Variants in RAB38 observed in about 807,000 individuals in gnomAD.
The protein encoded by RAB38 is RAB38, member RAS oncogene family, also known as ras-related protein Rab-38.
Under a neutral mutation model 18.4 loss-of-function variants are expected in RAB38, and 15 were observed. That is an observed-to-expected ratio of 0.82 (90% CI 0.55 to 1.26). The LOEUF is 1.26. Among genes scored for constraint, RAB38 ranks in the 50% most tolerant of loss-of-function variants. RAB38 has a pLI of 0.00. For synonymous variants in RAB38, 101 were observed against 104.4 expected, an observed-to-expected ratio of 0.97 and a Z score of 0.20; for missense variants, 294 against 267.4, an observed-to-expected ratio of 1.10 and a Z score of -0.69.
the RAB38 span, among the ~76,000 whole-genome samples, chr11:88,101,404 G>T: frequency 6.6e-6 from 1 of 151,692 alleles, no homozygotes; most frequent in African/African-American, 2.4e-5. Flanking sequence ...AGCATTCATG[G>T]TTTGGTTAAA....
the RAB38 span, among the ~76,000 whole-genome samples, chr11:88,040,295 C>T: frequency 6.6e-6 from 1 of 152,186 alleles, no homozygotes; most frequent in African/African-American, 2.4e-5. Flanking sequence ...GCCGTCCTCT[C>T]CCTGTGTCCT....
chr11:87,933,396 C>G, the RAB38 span, among the ~76,000 whole-genome samples: 2 of 152,148 alleles, frequency 1.3e-5, no homozygotes, highest in African/African-American at 4.8e-5. Context: ...ATGAGTAGAA[C>G]ATGTGTTCTG....
rs181304987 is a variant in RAB38, at chr11:88,134,346, T to A, written c.483+15329A>T. Among the ~76,000 whole-genome samples, 466 of 152,320 alleles carry A rather than the reference T, an allele frequency of 3.1e-3. 2 individuals are homozygous for A. The highest frequency in any genetic ancestry group is 0.01 in the African/African-American group (424 of 41,562). On this transcript the variant is annotated intron_variant, in intron 2 of 2. Coordinates refer to ENST00000243662, the MANE Select transcript of RAB38 (RefSeq NM_022337.3). ...ACCTCCACCTCCTGGGTTCAAGCGA[T>A]TCTCCTGACTCAGCCTCCTGAGTAG...
At chr11:88,165,578 TAAAC>T (rs1293443860) in intron 1 of RAB38, 1 of 152,146 alleles carries the variant, frequency 6.6e-6, no homozygotes, top group Non-Finnish European at 1.5e-5. Context: ...GCAAGGCTGA[TAAAC>T]AAATTGAAAG....
the RAB38 span, among the ~76,000 whole-genome samples, chr11:88,058,302 A>G: frequency 1.3e-5 from 2 of 152,196 alleles, no homozygotes; most frequent in African/African-American, 4.8e-5. Context: ...AGATTTTATA[A>G]TACCTAGAGG....
chr11:87,903,310 C>G, the RAB38 span, among the ~76,000 whole-genome samples: 1 of 151,102 alleles, frequency 6.6e-6, no homozygotes, highest in African/African-American at 2.4e-5. Context: ...CTTCTTTTCC[C>G]TTTTTGAAAT....
At chr11:87,894,169 T>C in the RAB38 span, among the ~76,000 whole-genome samples, 1 of 151,720 alleles carries the variant, frequency 6.6e-6, no homozygotes, top group East Asian at 2.0e-4. Context: ...TTTATCCTGT[T>C]TGATGCTATC....
the RAB38 span, among the ~76,000 whole-genome samples, chr11:87,809,753 C>G: frequency 6.6e-6 from 1 of 151,936 alleles, no homozygotes; most frequent in East Asian, 1.9e-4. Context: ...ATTTTTCTGT[C>G]ATTTTATCCT....
the RAB38 span, among the ~76,000 whole-genome samples, chr11:88,090,601 A>T: frequency 6.6e-6 from 1 of 152,030 alleles, no homozygotes; most frequent in African/African-American, 2.4e-5. Flanking sequence ...ATGAGAAAAA[A>T]AAATCTGTTA....
At chr11:88,074,498 T>A in the RAB38 span, among the ~76,000 whole-genome samples, 1 of 152,180 alleles carries the variant, frequency 6.6e-6, no homozygotes, top group Non-Finnish European at 1.5e-5. Context: ...TTGCTATAAC[T>A]GTAAGATCCT....
At chr11:88,167,664 G>C (rs1943261327) in intron 1 of RAB38, 1 of 152,150 alleles carries the variant, frequency 6.6e-6, no homozygotes, top group Non-Finnish European at 1.5e-5. Context: ...GAGAACAGTA[G>C]AAGTTAAAAT....
chr11:88,088,947 C>CAA, the RAB38 span, among the ~76,000 whole-genome samples: 1,030 of 148,910 alleles, frequency 6.9e-3, 2 homozygotes, highest in Non-Finnish European at 0.011. Context: ...CAGGAGCTGA[C>CAA]AAAAAAAAAA....
At chr11:87,850,128 C>T in the RAB38 span, among the ~76,000 whole-genome samples, 3 of 152,142 alleles carry the variant, frequency 2.0e-5, no homozygotes, top group Admixed American at 6.6e-5. Context: ...CACAAAGACT[C>T]ACTCAACCTA....
chr11:88,024,066 G>A, the RAB38 span, among the ~76,000 whole-genome samples: 2 of 151,958 alleles, frequency 1.3e-5, no homozygotes, highest in Non-Finnish European at 2.9e-5. Context: ...AACCTAAAAA[G>A]CTTTTACATA....
At chr11:87,932,572 A>G in the RAB38 span, among the ~76,000 whole-genome samples, 15 of 152,108 alleles carry the variant, frequency 9.9e-5, no homozygotes, top group African/African-American at 3.6e-4. Flanking sequence ...ATTTTTGCCC[A>G]GAAAAATAAG....
At chr11:88,077,844 A>G in the RAB38 span, among the ~76,000 whole-genome samples, 1 of 152,106 alleles carries the variant, frequency 6.6e-6, no homozygotes, top group Non-Finnish European at 1.5e-5. Flanking sequence ...ACAGGAAACT[A>G]TCAACAAAGA....
intron 2 of RAB38, among the ~76,000 whole-genome samples, chr11:88,124,207 G>C (rs1023967152): frequency 2.0e-5 from 3 of 152,204 alleles, no homozygotes; most frequent in African/African-American, 7.2e-5. Flanking sequence ...TCAGGACGTA[G>C]GCATGGGCAG....
the RAB38 span, among the ~76,000 whole-genome samples, chr11:88,049,854 G>T: frequency 4.6e-5 from 7 of 152,166 alleles, no homozygotes; most frequent in Non-Finnish European, 2.9e-5. Flanking sequence ...TTAAAATTTG[G>T]TTTTTACTAC....
At chr11:87,881,934 T>G in the RAB38 span, among the ~76,000 whole-genome samples, 17 of 151,954 alleles carry the variant, frequency 1.1e-4, no homozygotes, top group Admixed American at 3.9e-4. Flanking sequence ...AGTCCTGTAT[T>G]CAGTAGTAAC....
Sources: gnomAD v4.1 joint callset for allele counts (sites outside exome capture counted in the v4.1 genomes callset) on GRCh38, gnomAD v4.1.1 for gene constraint, MANE v1.5 for transcripts, NCBI Gene and HGNC (gene_info 2026-07-23, HGNC 2026-07-21) for gene names.